Variants in ELP4 observed in about 807,000 individuals in gnomAD.
ELP4 encodes the protein elongator complex protein 4.
Under a neutral mutation model 48.9 loss-of-function variants are expected in ELP4, and 51 were observed. That is an observed-to-expected ratio of 1.04 (90% CI 0.83 to 1.32). The LOEUF (loss-of-function observed/expected upper bound fraction) is 1.32, where lower values mean the gene tolerates loss of function less well. ELP4 is among the 40% of genes most tolerant of loss of function. The pLI is 0.00. For synonymous variants in ELP4, 210 were observed against 189.2 expected (o/e 1.11, Z -0.90); for missense variants, 519 against 514.6 (o/e 1.01, Z -0.08).
At chr11:31,562,071 T>C (rs573751225) in intron 3 of ELP4, among the ~76,000 whole-genome samples, 6 of 152,314 alleles carry the variant, frequency 3.9e-5, no homozygotes, top group East Asian at 1.9e-4. Context: ...AGTAGACATA[T>C]TGCTGGGACC....
At chr11:31,759,023 G>A (rs1266801933) in intron 9 of ELP4, among the ~76,000 whole-genome samples, 1 of 152,072 alleles carries the variant, frequency 6.6e-6, no homozygotes, top group Admixed American at 6.5e-5. Context: ...GTAGATATAC[G>A]TTTGTGACTT....
At chr11:31,609,836 G>A (rs1273373343) in intron 5 of ELP4, among the ~76,000 whole-genome samples, 1 of 151,998 alleles carries the variant, frequency 6.6e-6, no homozygotes, top group African/African-American at 2.4e-5. Flanking sequence ...AGGATTTCAA[G>A]ACCAGCCTGG....
intron 9 of ELP4, among the ~76,000 whole-genome samples, chr11:31,745,632 C>A (rs1242397508): frequency 2.0e-5 from 3 of 152,112 alleles, no homozygotes; most frequent in Non-Finnish European, 4.4e-5. Flanking sequence ...CAAAAACAAG[C>A]AATGGGGAAA....
chr11:31,637,089 T>C (rs1944995795), intron 7 of ELP4, among the ~76,000 whole-genome samples: 1 of 151,874 alleles, frequency 6.6e-6, no homozygotes, highest in Non-Finnish European at 1.5e-5. Context: ...GGAGCAGAAC[T>C]ATGGACGGCT....
At chr11:31,529,041 T>A in intron 2 of ELP4, among the ~76,000 whole-genome samples, 1 of 118,840 alleles carries the variant, frequency 8.4e-6, no homozygotes, top group East Asian at 2.2e-4. Context: ...TGGCTATGTG[T>A]ATATATATAT....
chr11:31,580,018 A>G (rs1321768213), intron 3 of ELP4, among the ~76,000 whole-genome samples: 1 of 152,148 alleles, frequency 6.6e-6, no homozygotes, highest in African/African-American at 2.4e-5. Context: ...AGTGAATGCA[A>G]TATGCCCCTT....
chr11:31,739,884 A>G (rs746164952), intron 9 of ELP4, among the ~76,000 whole-genome samples: 1 of 152,178 alleles, frequency 6.6e-6, no homozygotes, highest in Admixed American at 6.5e-5. Flanking sequence ...TTACCTATTT[A>G]TCAGAATATT....
intron 2 of ELP4, among the ~76,000 whole-genome samples, chr11:31,533,544 AT>A (rs926936242): frequency 1.4e-4 from 20 of 147,568 alleles, no homozygotes; most frequent in Admixed American, 4.7e-4. Context: ...AGCCCGGCTA[AT>A]TTTTTTTTTC....
chr11:31,663,988 G>A (rs1051092336), intron 9 of ELP4: 2 of 151,954 alleles, frequency 1.3e-5, no homozygotes, highest in Admixed American at 1.3e-4. Flanking sequence ...TCTTTTCAAA[G>A]GTGTTTACGA....
chr11:31,758,474 GT>G (rs946227136), intron 9 of ELP4, among the ~76,000 whole-genome samples: 8 of 152,158 alleles, frequency 5.3e-5, no homozygotes, highest in African/African-American at 7.2e-5. Context: ...ATTGCCCTGT[GT>G]TTCAACTGGA....
At chr11:31,524,481 A>G (rs1164195509) in intron 2 of ELP4, among the ~76,000 whole-genome samples, 1 of 152,242 alleles carries the variant, frequency 6.6e-6, no homozygotes, top group African/African-American at 2.4e-5. Flanking sequence ...CATAACAGAA[A>G]TGACATCCCA....
At chr11:31,575,273 A>G (rs1957255755) in intron 3 of ELP4, among the ~76,000 whole-genome samples, 1 of 152,234 alleles carries the variant, frequency 6.6e-6, no homozygotes, top group Non-Finnish European at 1.5e-5. Context: ...AAAGCCTCCA[A>G]GAAGTATGGG....
chr11:31,584,230 C>T (rs879435922), intron 3 of ELP4, among the ~76,000 whole-genome samples: 8 of 151,790 alleles, frequency 5.3e-5, no homozygotes, highest in African/African-American at 4.8e-5. Flanking sequence ...TACTTGTTTA[C>T]TTTCTCATTT....
At chr11:31,746,439 G>T (rs995967996) in intron 9 of ELP4, among the ~76,000 whole-genome samples, 2 of 152,132 alleles carry the variant, frequency 1.3e-5, no homozygotes, top group Non-Finnish European at 2.9e-5. Context: ...ACATGCACAC[G>T]TGTGTTTATT....
At chr11:31,759,564 A>G (rs1020897431) in intron 9 of ELP4, among the ~76,000 whole-genome samples, 4 of 152,316 alleles carry the variant, frequency 2.6e-5, no homozygotes, top group Middle Eastern at 6.8e-3. Flanking sequence ...TGTAATATGC[A>G]TCTTCTCATA....
At position 31,579,498 on chromosome 11, in the gene ELP4, C is replaced by T. The variant is rs553297716; in HGVS notation, c.382-15272C>T. The stretch of plus-strand genomic sequence containing the variant: ...GACACATGCACACATATGTTTATTG[C>T]GGCACTTTTCGCAATAGCAAAGACT... On this transcript the variant is annotated intron_variant, in intron 3 of 9. Transcript: ENST00000640961. Among the ~76,000 whole-genome samples, 53 of 152,112 alleles carry T rather than the reference C, an allele frequency of 3.5e-4. 1 individual carries two copies. In the South Asian group the frequency reaches 8.5e-3, roughly 24 times the overall value.
At chr11:31,669,320 G>A (rs1332236147) in intron 9 of ELP4, among the ~76,000 whole-genome samples, 2 of 151,718 alleles carry the variant, frequency 1.3e-5, no homozygotes, top group Non-Finnish European at 2.9e-5. Flanking sequence ...TCCTAACCTC[G>A]TCCGCCTGCC....
At chr11:31,557,651 G>A (rs766527242) in intron 3 of ELP4, among the ~76,000 whole-genome samples, 11 of 151,916 alleles carry the variant, frequency 7.2e-5, no homozygotes, top group Non-Finnish European at 1.6e-4. Flanking sequence ...CAAAAAATGG[G>A]ACAGTTATAA....
intron 9 of ELP4, among the ~76,000 whole-genome samples, chr11:31,778,657 A>G (rs919827613): frequency 6.6e-5 from 10 of 152,158 alleles, no homozygotes; most frequent in African/African-American, 1.7e-4. Flanking sequence ...CCCATGATAG[A>G]TGAGGACACT....
Sources: gnomAD v4.1 joint callset for allele counts (sites outside exome capture counted in the v4.1 genomes callset) on GRCh38, gnomAD v4.1.1 for gene constraint, MANE v1.5 for transcripts, NCBI Gene and HGNC (gene_info 2026-07-23, HGNC 2026-07-21) for gene names.